Variants in ZDHHC21 observed in about 807,000 individuals in gnomAD.
The protein encoded by ZDHHC21 is palmitoyltransferase ZDHHC21.
ZDHHC21 carries 15 observed loss-of-function variants against 34.6 expected under a neutral mutation model. The observed-to-expected ratio is 0.43, with a 90% confidence interval of 0.29 to 0.67. The LOEUF is 0.67. ZDHHC21 is among the 30% of genes least tolerant of loss of function. The pLI, the probability that ZDHHC21 is intolerant of heterozygous loss-of-function variation, is 0.14. For synonymous variants in ZDHHC21, 142 were observed against 101.8 expected (o/e 1.40, Z -2.38); for missense variants, 344 against 327.7 (o/e 1.05, Z -0.38).
downstream of ZDHHC21, among the ~76,000 whole-genome samples, chr9:14,608,503 T>C (rs1359342711): frequency 6.6e-6 from 1 of 152,162 alleles, no homozygotes. Context: ...TCTTAAAAAA[T>C]GCAAAACACA....
At chr9:14,648,073 G>C (rs140689515) in intron 7 of ZDHHC21, among the ~76,000 whole-genome samples, 1 of 152,090 alleles carries the variant, frequency 6.6e-6, no homozygotes, top group Non-Finnish European at 1.5e-5. Context: ...TCGGTAACTG[G>C]TATCTCCATT....
intron 7 of ZDHHC21, among the ~76,000 whole-genome samples, chr9:14,657,666 A>G (rs1320220867): frequency 6.6e-6 from 1 of 152,156 alleles, no homozygotes; most frequent in East Asian, 1.9e-4. Flanking sequence ...TTTTTTAACA[A>G]AAACAGGCAG....
At chr9:14,630,437 T>C (rs1345191585) in intron 8 of ZDHHC21, among the ~76,000 whole-genome samples, 1 of 152,194 alleles carries the variant, frequency 6.6e-6, no homozygotes, top group African/African-American at 2.4e-5. Context: ...AGTTACCACC[T>C]CCACTGAAGT....
At chr9:14,601,349 C>T in the ZDHHC21 span, among the ~76,000 whole-genome samples, 17 of 152,102 alleles carry the variant, frequency 1.1e-4, no homozygotes, top group Non-Finnish European at 2.4e-4. Context: ...TATGAACAGG[C>T]ACTTCTCAAA....
intron 5 of ZDHHC21, among the ~76,000 whole-genome samples, chr9:14,668,281 AT>A (rs1228746494): frequency 7.6e-6 from 1 of 131,402 alleles, no homozygotes; most frequent in East Asian, 2.2e-4. Context: ...ATACCTAGGA[AT>A]CCAACTTACA....
intron 6 of ZDHHC21, among the ~76,000 whole-genome samples, chr9:14,660,886 TAAG>T (rs1056939213): frequency 2.4e-4 from 37 of 152,250 alleles, no homozygotes; most frequent in Middle Eastern, 6.8e-3. Context: ...AACTCTACAA[TAAG>T]AAGCGCTTAA....
chr9:14,676,596 A>T (rs1259027062), intron 3 of ZDHHC21, among the ~76,000 whole-genome samples: 1 of 152,026 alleles, frequency 6.6e-6, no homozygotes, highest in African/African-American at 2.4e-5. Flanking sequence ...TGAATTCTAA[A>T]ACAGAAATAG....
rs764862265 is a variant in ZDHHC21 at position 14,672,835 on chromosome 9, T to C, written c.248A>G (p.His83Arg). 2.5e-6 allele frequency: 4 copies of C among 1,604,732 alleles called. No individual in the cohort carries two copies. In the African/African-American group the frequency reaches 4.0e-5, roughly 16 times the overall value. Residue 83 changes from histidine to arginine, a missense_variant, in exon 5 of 10, where the codon CAT becomes CGT. Coordinates refer to ENST00000380916, the MANE Select transcript of ZDHHC21 (RefSeq NM_178566.6). The part of the protein sequence containing the change: ...GRLPENPKIP[H>R]GEREFWELCN... ...ATAAATCCAGAGTACCATACCTCCA[T>C]GTGGGATCTTGGGGTTCTCAGGGAG...
intron 2 of ZDHHC21, among the ~76,000 whole-genome samples, chr9:14,687,274 T>C (rs1327456976): frequency 6.6e-6 from 1 of 150,856 alleles, no homozygotes. Context: ...TTTATAGTTA[T>C]CAGAGCTACA....
chr9:14,642,203 T>C (rs1160267712), intron 7 of ZDHHC21, among the ~76,000 whole-genome samples: 1 of 152,180 alleles, frequency 6.6e-6, no homozygotes. Flanking sequence ...GAAATTGCTT[T>C]TTATCACTTT....
chr9:14,688,380 C>T (rs954704821), intron 2 of ZDHHC21, among the ~76,000 whole-genome samples: 7 of 150,770 alleles, frequency 4.6e-5, no homozygotes, highest in Non-Finnish European at 8.8e-5. Context: ...GTTTTACAAA[C>T]TCCAGAATGA....
chr9:14,622,491 G>A (rs1242554122), intron 8 of ZDHHC21: 29 of 974,396 alleles, frequency 3.0e-5, no homozygotes, highest in Non-Finnish European at 3.4e-5. Context: ...TTGCAGGGGG[G>A]TGGGATAAAG....
chr9:14,679,286 T>C (rs1836958415), intron 3 of ZDHHC21, among the ~76,000 whole-genome samples: 2 of 152,142 alleles, frequency 1.3e-5, no homozygotes, highest in Non-Finnish European at 2.9e-5. Flanking sequence ...GAAAGACAGA[T>C]GAGTATGTGC....
chr9:14,665,024 A>G (rs994333453), intron 5 of ZDHHC21, among the ~76,000 whole-genome samples: 11 of 119,460 alleles, frequency 9.2e-5, no homozygotes, highest in Admixed American at 2.6e-4. Context: ...CTGAGAGAAG[A>G]AGGCTTCAGA....
intron 8 of ZDHHC21, among the ~76,000 whole-genome samples, chr9:14,627,116 C>G (rs975794987): frequency 1.3e-5 from 2 of 152,008 alleles, no homozygotes. Context: ...TGGCAGAATA[C>G]TAGGCAAAAT....
intron 2 of ZDHHC21, among the ~76,000 whole-genome samples, chr9:14,684,375 T>C (rs1307645319): frequency 6.6e-6 from 1 of 150,834 alleles, no homozygotes; most frequent in Non-Finnish European, 1.5e-5. Context: ...AAAATCAATG[T>C]GCAAAAATCA....
At chr9:14,589,507 A>G in the ZDHHC21 span, 2 of 152,232 alleles carry the variant, frequency 1.3e-5, no homozygotes, top group Non-Finnish European at 2.9e-5. Flanking sequence ...TTTTCAGGGC[A>G]CATAACCACA....
intron 1 of ZDHHC21, 33 bp from the exon 2 acceptor site, chr9:14,690,418 A>G (rs1173391543): frequency 4.4e-6 from 2 of 449,622 alleles, no homozygotes; most frequent in East Asian, 7.0e-5. Context: ...TAAAATCAGA[A>G]GCTTGGTTGA....
At chr9:14,594,024 C>G in the ZDHHC21 span, 1 of 152,062 alleles carries the variant, frequency 6.6e-6, no homozygotes, top group East Asian at 1.9e-4. Context: ...ATCGAGGAAC[C>G]CACAGAGCAG....
Sources: allele counts gnomAD v4.1 joint callset (sites outside exome capture counted in the v4.1 genomes callset), GRCh38; gene constraint gnomAD v4.1.1; transcripts MANE v1.5; gene names NCBI Gene and HGNC (gene_info 2026-07-23, HGNC 2026-07-21).